SMIM14: variants seen among roughly 807,000 people sequenced by gnomAD.
SMIM14 encodes the protein small integral membrane protein 14.
Under a neutral mutation model 12.6 loss-of-function variants are expected in SMIM14, and 5 were observed. The observed-to-expected ratio is 0.40, with a 90% CI of 0.21 to 0.83. The LOEUF (loss-of-function observed/expected upper bound fraction) is 0.83, where lower values mean the gene tolerates loss of function less well. SMIM14 is among the 40% of genes least tolerant of loss of function. The probability of loss-of-function intolerance (pLI) is 0.37; values close to 1 mark genes in which losing one functional copy is unlikely to be tolerated. For missense variants in SMIM14, 86 were observed against 119.1 expected (o/e 0.72, Z 1.29); for synonymous variants, 30 against 40.1 (o/e 0.75, Z 0.95).
intron 2 of SMIM14, among the ~76,000 whole-genome samples, chr4:39,578,182 C>G (rs2110017456): frequency 6.6e-6 from 1 of 152,274 alleles, no homozygotes; most frequent in East Asian, 1.9e-4. Flanking sequence ...AAGGTCTTCT[C>G]TGGTGCCCAG....
At chr4:39,635,658 A>G (rs1181752469) in intron 1 of SMIM14, among the ~76,000 whole-genome samples, 1 of 152,234 alleles carries the variant, frequency 6.6e-6, no homozygotes, top group Non-Finnish European at 1.5e-5. Context: ...AGGACTAATC[A>G]TCCAAGAGAT....
chr4:39,590,049 T>C (rs889377339), intron 2 of SMIM14, among the ~76,000 whole-genome samples: 5 of 131,396 alleles, frequency 3.8e-5, no homozygotes, highest in African/African-American at 1.4e-4. Context: ...AAAAAAAGAA[T>C]ACTAAAGTAG....
At chr4:39,621,681 CGTTT>C (rs1715494140) in intron 1 of SMIM14, among the ~76,000 whole-genome samples, 1 of 133,172 alleles carries the variant, frequency 7.5e-6, no homozygotes, top group African/African-American at 2.9e-5. Flanking sequence ...TACAGCCAAA[CGTTT>C]CTTTTTTTTT....
chr4:39,587,410 T>C (rs1309302083), intron 2 of SMIM14, among the ~76,000 whole-genome samples: 1 of 136,334 alleles, frequency 7.3e-6, no homozygotes, highest in Non-Finnish European at 1.5e-5. Context: ...GGCAGAAGAA[T>C]GGCATGAAAC....
intron 2 of SMIM14, among the ~76,000 whole-genome samples, chr4:39,580,355 T>C (rs1252803445): frequency 6.6e-6 from 1 of 151,952 alleles, no homozygotes; most frequent in East Asian, 1.9e-4. Flanking sequence ...TTTTAAATTT[T>C]TATTTTTGTA....
At chr4:39,587,196 A>C (rs1713822915) in intron 2 of SMIM14, among the ~76,000 whole-genome samples, 1 of 151,912 alleles carries the variant, frequency 6.6e-6, no homozygotes, top group African/African-American at 2.4e-5. Context: ...ACGTATATGC[A>C]TATTAAATTT....
chr4:39,596,506 C>A (rs565801471), intron 2 of SMIM14, among the ~76,000 whole-genome samples: 71 of 152,314 alleles, frequency 4.7e-4, no homozygotes, highest in African/African-American at 1.7e-3. Flanking sequence ...CTGCCACTCT[C>A]TGGTCAGTTC....
chr4:39,613,022 T>TA (rs1560304285), intron 1 of SMIM14, among the ~76,000 whole-genome samples: 1 of 152,232 alleles, frequency 6.6e-6, no homozygotes, highest in African/African-American at 2.4e-5. Context: ...GACTTGTTTT[T>TA]ATCAATGTAT....
At chr4:39,616,102 T>C (rs958439770) in intron 1 of SMIM14, among the ~76,000 whole-genome samples, 2 of 152,184 alleles carry the variant, frequency 1.3e-5, no homozygotes, top group African/African-American at 2.4e-5. Context: ...GGAAGGGACA[T>C]CCCTGAAAAG....
intron 1 of SMIM14, among the ~76,000 whole-genome samples, chr4:39,622,621 A>T (rs1349954904): frequency 6.6e-6 from 1 of 152,106 alleles, no homozygotes; most frequent in Non-Finnish European, 1.5e-5. Flanking sequence ...GGCTCGTCTG[A>T]AACTCCTGAC....
intron 1 of SMIM14, chr4:39,612,233 T>C (rs966841454): frequency 6.6e-6 from 1 of 152,230 alleles, no homozygotes; most frequent in African/African-American, 2.4e-5. Flanking sequence ...AGTAAATTCC[T>C]GTTTCTCAAC....
chr4:39,564,613 T>A (rs1263140663), intron 3 of SMIM14, among the ~76,000 whole-genome samples: 1 of 152,172 alleles, frequency 6.6e-6, no homozygotes, highest in Non-Finnish European at 1.5e-5. Context: ...TTATTTCAGA[T>A]TAGCGTTTTT....
intron 1 of SMIM14, among the ~76,000 whole-genome samples, chr4:39,613,707 G>A (rs1381106424): frequency 6.6e-6 from 1 of 152,130 alleles, no homozygotes; most frequent in African/African-American, 2.4e-5. Context: ...TTAAAACAAA[G>A]TTTCATCTTG....
At chr4:39,590,275 T>C (rs1713998978) in intron 2 of SMIM14, among the ~76,000 whole-genome samples, 1 of 150,966 alleles carries the variant, frequency 6.6e-6, no homozygotes, top group Non-Finnish European at 1.5e-5. Flanking sequence ...TAGCTGGGCG[T>C]GGTGGCGCTT....
chr4:39,620,478 A>C (rs78714143), intron 1 of SMIM14, among the ~76,000 whole-genome samples: 1 of 149,660 alleles, frequency 6.7e-6, no homozygotes, highest in East Asian at 2.0e-4. Flanking sequence ...AGACTGTATC[A>C]AAAAAAAAAT....
At chr4:39,585,532 G>C (rs1033032710) in intron 2 of SMIM14, among the ~76,000 whole-genome samples, 1 of 151,886 alleles carries the variant, frequency 6.6e-6, no homozygotes, top group African/African-American at 2.4e-5. Context: ...CCCGACCTCA[G>C]GTGATCTGCC....
chr4:39,567,463 G>A (rs1712637885), intron 3 of SMIM14, among the ~76,000 whole-genome samples: 2 of 152,138 alleles, frequency 1.3e-5, no homozygotes, highest in East Asian at 1.9e-4. Context: ...ATTAGGCCGG[G>A]CATGGTGGCT....
chr4:39,574,453 G>C (rs922680747), intron 2 of SMIM14, among the ~76,000 whole-genome samples: 1 of 151,988 alleles, frequency 6.6e-6, no homozygotes, highest in Non-Finnish European at 1.5e-5. Context: ...ATGTTGCCCA[G>C]GCTGGTCTCA....
In SMIM14 at chr4:39,576,623, C is replaced by G. The variant is rs575874027; in HGVS notation, c.76-4160G>C. ...GACTGCCTCCAACTCTAAGACCTAC[C>G]AATGTATATAACTTATACCTATGTG... On this transcript the variant is annotated intron_variant, in intron 2 of 4. Coordinates refer to ENST00000295958, the MANE Select transcript of SMIM14 (RefSeq NM_174921.3). Among the ~76,000 whole-genome samples the G allele has an allele frequency of 1.1e-4, 14 of 128,998 alleles. No homozygotes were observed. The South Asian group carries it at 3.9e-3, about 36-fold the overall frequency. The allele number at this position is 128,998 out of a possible 152,430, so 84.6% of individuals were successfully genotyped here.
Sources: gnomAD v4.1 joint callset for allele counts (sites outside exome capture counted in the v4.1 genomes callset) on GRCh38, gnomAD v4.1.1 for gene constraint, MANE v1.5 for transcripts, NCBI Gene and HGNC (gene_info 2026-07-23, HGNC 2026-07-21) for gene names.